The following SEPTIN14 variants were observed in gnomAD, a reference collection of about 807,000 sequenced individuals.
SEPTIN14 encodes the protein septin-14.
A neutral mutation model predicts 53.6 loss-of-function variants in SEPTIN14; 40 were observed. That is an observed-to-expected ratio of 0.75 (90% CI 0.58 to 0.97). SEPTIN14 has a LOEUF of 0.97. SEPTIN14 is among the 50% of genes least tolerant of loss of function. The probability of loss-of-function intolerance (pLI) is 0.00; values close to 1 mark genes in which losing one functional copy is unlikely to be tolerated. For missense variants in SEPTIN14, 471 were observed against 508.2 expected, an observed-to-expected ratio of 0.93 and a Z score of 0.70; for synonymous variants, 138 against 166.8, an observed-to-expected ratio of 0.83 and a Z score of 1.33.
intron 5 of SEPTIN14, among the ~76,000 whole-genome samples, chr7:55,841,817 T>C (rs1789316869): frequency 7.0e-6 from 1 of 142,964 alleles, no homozygotes; most frequent in Non-Finnish European, 1.5e-5. Flanking sequence ...ATCACGCCAT[T>C]GCACTCTGGC....
At chr7:55,800,645 C>A (rs1015014072) in intron 9 of SEPTIN14, among the ~76,000 whole-genome samples, 1 of 150,964 alleles carries the variant, frequency 6.6e-6, no homozygotes, top group Non-Finnish European at 1.5e-5. Context: ...AAATTAAACT[C>A]ATGGAGATAG....
intron 5 of SEPTIN14, among the ~76,000 whole-genome samples, chr7:55,835,393 G>C (rs192029407): frequency 6.6e-6 from 1 of 151,742 alleles, no homozygotes; most frequent in South Asian, 2.1e-4. Flanking sequence ...TAGTAGAGAC[G>C]GGGTTTCACC....
chr7:55,837,769 G>T (rs1789236574), intron 5 of SEPTIN14, among the ~76,000 whole-genome samples: 1 of 152,090 alleles, frequency 6.6e-6, no homozygotes, highest in Non-Finnish European at 1.5e-5. Context: ...TTTTAGTAGA[G>T]ACAGGGTTTC....
At chr7:55,823,590 G>A (rs1788933701) in intron 6 of SEPTIN14, among the ~76,000 whole-genome samples, 1 of 152,138 alleles carries the variant, frequency 6.6e-6, no homozygotes. Context: ...CAAATGGATG[G>A]GGCTACCTGT....
chr7:55,824,807 AT>A lies in SEPTIN14; in HGVS notation c.721-5585del, dbSNP rs200714779. Among the ~76,000 whole-genome samples, 143 of 148,976 alleles carry A rather than the reference AT, an allele frequency of 9.6e-4. 1 individual carries two copies. The highest frequency in any genetic ancestry group is 2.6e-3 in the African/African-American group (107 of 40,624). On this transcript the variant is annotated intron_variant, in intron 6 of 9. Transcript: ENST00000388975. ...TCCATCTCAAAAAAACAAACAAACA[AT>A]TTTTTTTTTTAATTTCCAAAATCCC...
chr7:55,806,281 G>A lies in SEPTIN14; in HGVS notation c.986+809C>T, dbSNP rs1285138670. Among the ~76,000 whole-genome samples the A allele has an allele frequency of 1.1e-4, 17 of 149,746 alleles. No individual in the cohort carries two copies. The South Asian group carries it at 2.1e-3, about 19-fold the overall frequency. On this transcript the variant is annotated intron_variant, in intron 8 of 9. Coordinates refer to ENST00000388975, the MANE Select transcript of SEPTIN14 (RefSeq NM_207366.3). Reference sequence around the variant, plus strand: ...TTCCCAAAGTGCTGGGATTACAGGCGGGAGCCACTGCACCCGGCTCTATTC... The same window carrying A: ...TTCCCAAAGTGCTGGGATTACAGGCAGGAGCCACTGCACCCGGCTCTATTC...
At chr7:55,827,452 A>G (rs1300004607) in intron 6 of SEPTIN14, among the ~76,000 whole-genome samples, 1 of 152,188 alleles carries the variant, frequency 6.6e-6, no homozygotes, top group Non-Finnish European at 1.5e-5. Flanking sequence ...GAGAGTCATG[A>G]ACTCTGGGAC....
chr7:55,838,623 C>G (rs2116040384), intron 5 of SEPTIN14, among the ~76,000 whole-genome samples: 1 of 149,988 alleles, frequency 6.7e-6, no homozygotes, highest in East Asian at 2.0e-4. Flanking sequence ...ATTGCCCAGG[C>G]TGGAATTGCA....
At chr7:55,798,510 C>A in intron 9 of SEPTIN14, 2 of 306,232 alleles carry the variant, frequency 6.5e-6, no homozygotes, top group South Asian at 3.2e-5. Flanking sequence ...CCTCTACCAC[C>A]CAAATGATGT....
At chr7:55,825,897 T>A (rs1788976114) in intron 6 of SEPTIN14, among the ~76,000 whole-genome samples, 1 of 151,990 alleles carries the variant, frequency 6.6e-6, no homozygotes, top group Non-Finnish European at 1.5e-5. Context: ...GGTCAGGAGA[T>A]CGAGACCATC....
intron 2 of SEPTIN14, among the ~76,000 whole-genome samples, chr7:55,854,396 G>T (rs527381344): frequency 6.6e-6 from 1 of 151,974 alleles, no homozygotes; most frequent in South Asian, 2.1e-4. Flanking sequence ...ATAAAGCAGA[G>T]ATGTCAGCTG....
At chr7:55,810,193 C>T (rs1031954350) in intron 7 of SEPTIN14, among the ~76,000 whole-genome samples, 11 of 150,668 alleles carry the variant, frequency 7.3e-5, no homozygotes, top group South Asian at 2.1e-4. Context: ...GTGTTTAATT[C>T]GCATTTTCCT....
At chr7:55,857,545 A>AGGAGGGGAGG (rs1208210648) in intron 2 of SEPTIN14, among the ~76,000 whole-genome samples, 2 of 60,148 alleles carry the variant, frequency 3.3e-5, no homozygotes, top group African/African-American at 7.0e-5. Context: ...AAAGGAAGAG[A>AGGAGGGGAGG]GGAGGGGAGG....
In SEPTIN14 at chr7:55,835,828, T is replaced by C. The variant is rs1584265391; in HGVS notation, c.559-1242A>G. ...CGCAATCTAGGCTCAGGGCAACGTC[T>C]GCCTCCCGGGTTCAAGCAAGTCTCC... On this transcript the variant is annotated intron_variant, in intron 5 of 9. Coordinates refer to ENST00000388975, the MANE Select transcript of SEPTIN14 (RefSeq NM_207366.3). Among the ~76,000 whole-genome samples the C allele has an allele frequency of 2.0e-5, 3 of 152,208 alleles. No homozygotes were observed. In the East Asian group the frequency reaches 5.8e-4, roughly 29 times the overall value.
intron 5 of SEPTIN14, among the ~76,000 whole-genome samples, chr7:55,841,476 T>C (rs1455412543): frequency 6.6e-6 from 1 of 152,002 alleles, no homozygotes; most frequent in East Asian, 1.9e-4. Context: ...GGTTCACGCT[T>C]TGGGAGGCTG....
intron 7 of SEPTIN14, among the ~76,000 whole-genome samples, chr7:55,814,196 C>T (rs1242133722): frequency 6.6e-6 from 1 of 152,102 alleles, no homozygotes; most frequent in Admixed American, 6.6e-5. Context: ...TAATACATTC[C>T]CTTTGAATAC....
chr7:55,857,555 G>A (rs1371767506), intron 2 of SEPTIN14, among the ~76,000 whole-genome samples: 79 of 118,084 alleles, frequency 6.7e-4, no homozygotes, highest in African/African-American at 2.4e-3. Flanking sequence ...AGGAGGGGAG[G>A]GGAGGGGAGG....
chr7:55,798,033 CATGTACTCGGCCCACAGGCCCCTG>C (rs1562703632), intron 9 of SEPTIN14: 1 of 166,572 alleles, frequency 6.0e-6, no homozygotes, highest in East Asian at 1.7e-4. Flanking sequence ...CTGCCCAGAC[CATGTACTCGGCCCACAGGCCCCTG>C]ATGCTTGCAT....
At chr7:55,848,985 G>T (rs2116063124) in intron 2 of SEPTIN14, among the ~76,000 whole-genome samples, 1 of 152,124 alleles carries the variant, frequency 6.6e-6, no homozygotes, top group Non-Finnish European at 1.5e-5. Flanking sequence ...TGAGTAAAAA[G>T]ACAAAAATCC....
Sources: allele counts gnomAD v4.1 joint callset (sites outside exome capture counted in the v4.1 genomes callset), GRCh38; gene constraint gnomAD v4.1.1; transcripts MANE v1.5; gene names NCBI Gene and HGNC (gene_info 2026-07-23, HGNC 2026-07-21).